The following COMMD10 variants were observed in gnomAD, a reference collection of about 807,000 sequenced individuals.
The protein encoded by COMMD10 is COMM domain-containing protein 10.
A neutral mutation model predicts 28.9 loss-of-function variants in COMMD10; 33 were observed. That is an observed-to-expected ratio of 1.14 (90% CI 0.87 to 1.53). COMMD10 has a LOEUF of 1.53. Ranked by LOEUF, COMMD10 falls within the 40% of genes most tolerant of loss-of-function variation. The pLI is 0.00. For synonymous variants in COMMD10, 110 were observed against 81.7 expected (o/e 1.35, Z -1.87); for missense variants, 310 against 233.4 (o/e 1.33, Z -2.14).
At chr5:116,107,733 G>T (rs1297868759) in intron 4 of COMMD10, among the ~76,000 whole-genome samples, 1 of 150,424 alleles carries the variant, frequency 6.6e-6, no homozygotes, top group Non-Finnish European at 1.5e-5. Context: ...CTGGCGAGGA[G>T]TTGTGATCCT....
At chr5:116,179,053 T>C (rs1225098010) in intron 5 of COMMD10, among the ~76,000 whole-genome samples, 1 of 152,002 alleles carries the variant, frequency 6.6e-6, no homozygotes, top group East Asian at 1.9e-4. Flanking sequence ...ACCTATGTAA[T>C]TTTATGATTC....
At chr5:116,105,067 C>T (rs987053085) in intron 4 of COMMD10, among the ~76,000 whole-genome samples, 1 of 152,158 alleles carries the variant, frequency 6.6e-6, no homozygotes, top group Non-Finnish European at 1.5e-5. Context: ...AGTTTTTGCC[C>T]ATACAGTATG....
chr5:116,136,475 C>T (rs1295728545), intron 5 of COMMD10, among the ~76,000 whole-genome samples: 1 of 152,206 alleles, frequency 6.6e-6, no homozygotes, highest in African/African-American at 2.4e-5. Context: ...ATTTTGACCA[C>T]ATACATTGGA....
chr5:116,255,737 G>A (rs987806577), intron 5 of COMMD10: 8 of 149,018 alleles, frequency 5.4e-5, no homozygotes, highest in South Asian at 2.1e-4. Flanking sequence ...TATGTATTCA[G>A]TTACTTATTC....
intron 5 of COMMD10, among the ~76,000 whole-genome samples, chr5:116,279,700 G>A (rs1467139124): frequency 6.6e-6 from 1 of 151,798 alleles, no homozygotes; most frequent in East Asian, 1.9e-4. Context: ...ACTTGGCAAT[G>A]GTATTGCATT....
rs1360297569 is a variant in COMMD10, at chr5:116,107,864, C to CTT, written c.399+15165_399+15166insTT. Among the ~76,000 whole-genome samples the CTT allele has an allele frequency of 2.6e-5, 4 of 152,272 alleles. No homozygotes were observed. In the South Asian group the frequency reaches 6.2e-4, roughly 24 times the overall value. On this transcript the variant is annotated intron_variant, in intron 4 of 6. Transcript: ENST00000274458. ...TGTTGGTGACCTTTGGAAGAGGTCT[C>CTT]TGAGTGGCCGTACTTTTTGTTGATG...
chr5:116,151,643 A>G (rs1363316013), intron 5 of COMMD10, among the ~76,000 whole-genome samples: 2 of 152,086 alleles, frequency 1.3e-5, no homozygotes, highest in Non-Finnish European at 2.9e-5. Context: ...GTTTATTTGC[A>G]TAGAGGTGTT....
chr5:116,149,878 A>G (rs1185983040), intron 5 of COMMD10, among the ~76,000 whole-genome samples: 2 of 150,558 alleles, frequency 1.3e-5, no homozygotes, highest in African/African-American at 2.4e-5. Context: ...CCATTTGTCA[A>G]TTTTGTCTTT....
intron 4 of COMMD10, among the ~76,000 whole-genome samples, chr5:116,122,508 T>A (rs1479106520): frequency 6.6e-6 from 1 of 152,260 alleles, no homozygotes; most frequent in East Asian, 1.9e-4. Flanking sequence ...GTTTTTCCAA[T>A]TCTGTGAAGA....
At chr5:116,104,109 A>G (rs1339638183) in intron 4 of COMMD10, among the ~76,000 whole-genome samples, 1 of 152,320 alleles carries the variant, frequency 6.6e-6, no homozygotes, top group Middle Eastern at 3.4e-3. Flanking sequence ...TCTTTTGCTT[A>G]GGATTGTCTT....
At chr5:116,202,620 A>G (rs1465113169) in intron 5 of COMMD10, among the ~76,000 whole-genome samples, 1 of 151,732 alleles carries the variant, frequency 6.6e-6, no homozygotes, top group Non-Finnish European at 1.5e-5. Context: ...TTTGATTTGC[A>G]TTTGTCTGAT....
chr5:116,205,530 A>G (rs1361909401), intron 5 of COMMD10, among the ~76,000 whole-genome samples: 2 of 152,122 alleles, frequency 1.3e-5, no homozygotes, highest in African/African-American at 2.4e-5. Flanking sequence ...TCATATACAT[A>G]TGCACATATA....
At chr5:116,213,779 CTTT>C (rs1468975299) in intron 5 of COMMD10, among the ~76,000 whole-genome samples, 17 of 151,828 alleles carry the variant, frequency 1.1e-4, no homozygotes, top group Non-Finnish European at 5.9e-5. Flanking sequence ...GTTATTTCTT[CTTT>C]ATGTGATTCG....
At chr5:116,204,268 TAG>T (rs1217399111) in intron 5 of COMMD10, among the ~76,000 whole-genome samples, 1 of 152,186 alleles carries the variant, frequency 6.6e-6, no homozygotes, top group Non-Finnish European at 1.5e-5. Context: ...CAAGGAGACT[TAG>T]ACTCCCACAC....
chr5:116,137,100 C>G (rs976965260), intron 5 of COMMD10, among the ~76,000 whole-genome samples: 1 of 152,088 alleles, frequency 6.6e-6, no homozygotes, highest in African/African-American at 2.4e-5. Context: ...CCTCAATGAA[C>G]TGCTGCCTGG....
At chr5:116,196,293 C>T (rs1402380498) in intron 5 of COMMD10, among the ~76,000 whole-genome samples, 1 of 151,980 alleles carries the variant, frequency 6.6e-6, no homozygotes, top group Non-Finnish European at 1.5e-5. Context: ...GGGAGCTAAG[C>T]TATGAGGACA....
rs114836695 is a variant in COMMD10, at chr5:116,145,429, G to A, written c.510+11251G>A. Among the ~76,000 whole-genome samples, 449 of 137,622 alleles carry A rather than the reference G, an allele frequency of 3.3e-3. 3 individuals are homozygous for A. The highest frequency in any genetic ancestry group is 0.014 in the African/African-American group (431 of 30,710). 90.3% of individuals were successfully genotyped at this position (137,622 alleles called of 152,430 possible). On this transcript the variant is annotated intron_variant, in intron 5 of 6. Transcript: ENST00000274458. Reference sequence around the variant, plus strand: ...GGGTGTTGTCAGTGGAGGGTGAAAAGGACAAAGGGTTTGTCTGTGTCTATG... The same window carrying A: ...GGGTGTTGTCAGTGGAGGGTGAAAAAGACAAAGGGTTTGTCTGTGTCTATG...
At position 116,153,376 on chromosome 5, in the gene COMMD10, C is replaced by T. The variant is rs149738201; in HGVS notation, c.510+19198C>T. On this transcript the variant is annotated intron_variant, in intron 5 of 6. Coordinates refer to ENST00000274458, the MANE Select transcript of COMMD10 (RefSeq NM_016144.4). ...ATAAAATTTGTGAGTGGCTAAGCTACCTCATTGTTTCTTCTGTGGATAAGG... is the reference window on the plus strand; with the variant it reads ...ATAAAATTTGTGAGTGGCTAAGCTATCTCATTGTTTCTTCTGTGGATAAGG... 9.2e-5 allele frequency among the ~76,000 whole-genome samples: 14 copies of T among 152,064 alleles called. No homozygotes were observed. The East Asian group carries it at 2.7e-3, about 29-fold the overall frequency.
chr5:116,127,519 A>G (rs190490637), intron 4 of COMMD10, among the ~76,000 whole-genome samples: 119 of 152,350 alleles, frequency 7.8e-4, no homozygotes, highest in African/African-American at 1.9e-3. Flanking sequence ...AAGACTTGGA[A>G]GCAACCCAAA....
Sources: allele counts gnomAD v4.1 joint callset (sites outside exome capture counted in the v4.1 genomes callset), GRCh38; gene constraint gnomAD v4.1.1; transcripts MANE v1.5; gene names NCBI Gene and HGNC (gene_info 2026-07-23, HGNC 2026-07-21).